Variants in HDAC4 observed in about 807,000 individuals in gnomAD.
HDAC4 encodes the protein histone deacetylase 4.
HDAC4 carries 16 observed loss-of-function variants against 135.1 expected under a neutral mutation model. That is an observed-to-expected ratio of 0.12 (90% CI 0.08 to 0.18). HDAC4 has a LOEUF of 0.18. Among genes scored for constraint, HDAC4 ranks in the 10% least tolerant of loss-of-function variants. HDAC4 has a pLI of 1.00. For synonymous variants in HDAC4, 685 were observed against 653.4 expected (o/e 1.05, Z -0.74); for missense variants, 1,143 against 1,511.8 (o/e 0.76, Z 4.05).
intron 1 of HDAC4, among the ~76,000 whole-genome samples, chr2:239,383,668 C>T (rs976622894): frequency 4.0e-5 from 6 of 151,876 alleles, no homozygotes; most frequent in African/African-American, 4.9e-5. Context: ...GGAGAAAGCG[C>T]GGCAACGACA....
intron 4 of HDAC4, among the ~76,000 whole-genome samples, chr2:239,184,219 C>T (rs2044341733): frequency 6.6e-6 from 1 of 152,160 alleles, no homozygotes; most frequent in Non-Finnish European, 1.5e-5. Context: ...GTAAGCCTTG[C>T]AGGAGGGCGA....
chr2:239,344,036 A>G (rs1692465141), intron 2 of HDAC4, among the ~76,000 whole-genome samples: 1 of 152,220 alleles, frequency 6.6e-6, no homozygotes, highest in Admixed American at 6.5e-5. Context: ...CAAGCAAGTC[A>G]TCAAGGCTGA....
intron 16 of HDAC4, 75 bp downstream of exon 16, chr2:239,102,701 A>C: frequency 6.4e-7 from 1 of 1,563,814 alleles, no homozygotes. Flanking sequence ...CCCAGACACA[A>C]GGGGTTGAGA....
At chr2:239,318,203 A>C (rs1282274821) in intron 2 of HDAC4, among the ~76,000 whole-genome samples, 1 of 152,190 alleles carries the variant, frequency 6.6e-6, no homozygotes, top group African/African-American at 2.4e-5. Flanking sequence ...ATGTAACTTC[A>C]CAGTGGAAAC....
intron 3 of HDAC4, among the ~76,000 whole-genome samples, chr2:239,193,536 C>T (rs952850374): frequency 2.0e-5 from 3 of 152,232 alleles, no homozygotes; most frequent in South Asian, 2.1e-4. Flanking sequence ...TGCGTCTCAC[C>T]GAGGGCAGGG....
At chr2:239,338,876 C>G (rs562666653) in intron 2 of HDAC4, among the ~76,000 whole-genome samples, 8 of 152,314 alleles carry the variant, frequency 5.3e-5, no homozygotes, top group East Asian at 3.9e-4. Flanking sequence ...CAGGCTCCCC[C>G]CAAGGCTGAG....
intron 5 of HDAC4, among the ~76,000 whole-genome samples, chr2:239,168,107 C>T (rs886442363): frequency 3.3e-5 from 5 of 152,210 alleles, no homozygotes; most frequent in Admixed American, 3.3e-4. Context: ...TTTTTCTCTC[C>T]ACCCCCTTGC....
rs2041632679 is a variant in HDAC4, at chr2:239,144,654, C to T, written c.794G>A (p.Ser265Asn). ...GTCTTTCCTGCGTAACAGGGGGCTGCTCCGTCTTTCGGCCACTTTCTGCTT... is the reference window on the plus strand; with the variant it reads ...GTCTTTCCTGCGTAACAGGGGGCTGTTCCGTCTTTCGGCCACTTTCTGCTT... ...RLKQKVAERR[S>N]SPLLRRKDGP... The change falls in exon 8 of 27, where the codon AGC (serine) becomes AAC (asparagine). Residue 265 changes from serine (S) to asparagine (N), a missense_variant. Transcript: ENST00000543185. The T allele has an allele frequency of 6.2e-7, 1 of 1,614,210 alleles. No individual in the cohort carries two copies. The highest frequency in any genetic ancestry group is 1.7e-5 in the Admixed American group (1 of 60,036).
intron 3 of HDAC4, among the ~76,000 whole-genome samples, chr2:239,223,995 G>T (rs991873958): frequency 1.3e-5 from 2 of 152,036 alleles, no homozygotes; most frequent in Non-Finnish European, 2.9e-5. Context: ...TTCAGCGCAG[G>T]CTCGCCAACG....
Position 239,124,738 on chromosome 2 carries a change from C to CCAGCGTGTGGCCGT in HDAC4, c.1533+1717_1533+1718insACGGCCACACGCTG, listed in dbSNP as rs2040017625. On this transcript the variant is annotated intron_variant, in intron 12 of 26. Coordinates refer to ENST00000543185, the MANE Select transcript of HDAC4 (RefSeq NM_001378414.1). Reference sequence around the variant, plus strand: ...ATTCTGGTGTGCTGGCGTGTGGCTGCGTTATATGACATTCCATGTTATGTG... The same window carrying CCAGCGTGTGGCCGT: ...ATTCTGGTGTGCTGGCGTGTGGCTGCCAGCGTGTGGCCGTGTTATATGACATTCCATGTTATGTG... 8.6e-5 allele frequency among the ~76,000 whole-genome samples: 5 copies of CCAGCGTGTGGCCGT among 58,000 alleles called. 1 individual carries two copies. The highest frequency in any genetic ancestry group is 3.4e-4 in the African/African-American group (5 of 14,718). 38.1% of individuals were successfully genotyped at this position (58,000 alleles called of 152,430 possible). A position where few individuals can be genotyped will look rare whatever the true frequency, so the allele number is the denominator to read the frequency against.
chr2:239,251,077 G>A (rs2048761242), intron 2 of HDAC4, among the ~76,000 whole-genome samples: 1 of 152,246 alleles, frequency 6.6e-6, no homozygotes, highest in African/African-American at 2.4e-5. Flanking sequence ...ATGACGTGGG[G>A]TGGAAAGGGC....
intron 2 of HDAC4, among the ~76,000 whole-genome samples, chr2:239,261,247 C>A (rs777276233): frequency 7.2e-5 from 11 of 152,150 alleles, no homozygotes; most frequent in Non-Finnish European, 1.6e-4. Context: ...CAGGTACTGC[C>A]GAGGCCTAAA....
intron 2 of HDAC4, among the ~76,000 whole-genome samples, chr2:239,312,801 C>T (rs927453704): frequency 1.3e-5 from 2 of 152,196 alleles, no homozygotes; most frequent in African/African-American, 2.4e-5. Context: ...GCTGCCGTGG[C>T]GCCGGCAGAC....
intron 22 of HDAC4, among the ~76,000 whole-genome samples, chr2:239,072,520 A>G (rs2034305009): frequency 6.6e-6 from 1 of 152,128 alleles, no homozygotes; most frequent in Admixed American, 6.5e-5. Context: ...CGGCCTCCCC[A>G]GCACACGCGT....
At chr2:239,264,131 G>A (rs544854886) in intron 2 of HDAC4, among the ~76,000 whole-genome samples, 3 of 152,206 alleles carry the variant, frequency 2.0e-5, no homozygotes, top group Non-Finnish European at 2.9e-5. Flanking sequence ...GTGGGGAGAC[G>A]GGCTCTGGCC....
chr2:239,309,160 C>G lies in HDAC4; in HGVS notation c.22+43518G>C, dbSNP rs1398844107. ...TTTCTCAGGGCGTTCGGCGCCGTAA[C>G]TCAGGAGAAACCCAAGTCCTGCTCT... On this transcript the variant is annotated intron_variant, in intron 2 of 26. Transcript: ENST00000543185. This position sits in a 1 kb window ranked among gnomAD's most constrained non-coding sequence, Gnocchi z 4.2. 1 of 152,204 alleles carries G rather than the reference C, an allele frequency of 6.6e-6. No homozygotes were observed. Among genetic ancestry groups the G allele is most frequent in the African/African-American group, 2.4e-5 (1 of 41,444 alleles). The allele number at this position is 152,204 out of a possible 1,614,324, so 9.4% of individuals were successfully genotyped here. A position where few individuals can be genotyped will look rare whatever the true frequency, so the allele number is the denominator to read the frequency against.
intron 3 of HDAC4, among the ~76,000 whole-genome samples, chr2:239,229,285 C>T (rs2047411807): frequency 6.6e-6 from 1 of 152,222 alleles, no homozygotes; most frequent in Admixed American, 6.5e-5. Context: ...CCAGGAGTAA[C>T]GCTATATTGC....
chr2:239,396,157 T>G lies in HDAC4; in HGVS notation c.-220+4821A>C, dbSNP rs1161351060. ...ATGCCTGATTTTTTTTTTTTTTTTG[T>G]AGAGATGAGGGTCTCACTATGTTGC... is the stretch of plus-strand genomic sequence containing the variant. On this transcript the variant is annotated intron_variant, in intron 1 of 26. Coordinates refer to ENST00000543185, the MANE Select transcript of HDAC4 (RefSeq NM_001378414.1). Among the ~76,000 whole-genome samples, 4 of 150,436 alleles carry G rather than the reference T, an allele frequency of 2.7e-5. No individual in the cohort carries two copies. The South Asian group carries it at 8.5e-4, about 32-fold the overall frequency.
chr2:239,149,008 A>G (rs534657885), intron 7 of HDAC4, among the ~76,000 whole-genome samples: 14 of 152,364 alleles, frequency 9.2e-5, no homozygotes, highest in Non-Finnish European at 1.5e-5. Flanking sequence ...ACACGCTGTA[A>G]TAACGCAGGC....
Sources: allele counts gnomAD v4.1 joint callset (sites outside exome capture counted in the v4.1 genomes callset), GRCh38; gene constraint gnomAD v4.1.1; non-coding constraint Gnocchi (gnomAD v3.1); transcripts MANE v1.5; gene names NCBI Gene and HGNC (gene_info 2026-07-23, HGNC 2026-07-21).